Variants in MMP9 observed in about 807,000 individuals in gnomAD.
The protein encoded by MMP9 is matrix metalloproteinase-9.
MMP9 carries 73 observed loss-of-function variants against 76.4 expected under a neutral mutation model. That is an observed-to-expected ratio of 0.96 (90% CI 0.79 to 1.16). The LOEUF (loss-of-function observed/expected upper bound fraction) is 1.16, where lower values mean the gene tolerates loss of function less well. Among genes scored for constraint, MMP9 ranks in the 50% most tolerant of loss-of-function variants. The pLI is 0.00. For missense variants in MMP9, 943 were observed against 973.0 expected, an observed-to-expected ratio of 0.97 and a Z score of 0.41; for synonymous variants, 412 against 408.4, an observed-to-expected ratio of 1.01 and a Z score of -0.11.
rs200418910 is a variant in MMP9, at chr20:46,011,714, C to T, written c.964C>T (p.Arg322Trp). 6.8e-6 allele frequency: 11 copies of T among 1,613,504 alleles called. No homozygotes were observed. Among genetic ancestry groups the T allele is most frequent in the Middle Eastern group, 1.6e-4 (1 of 6,080 alleles). Reference protein sequence around the residue: ...RWCATTANYDRDKLFGFCPTR... With the variant: ...RWCATTANYDWDKLFGFCPTR... ...GTGCGCCACCACCGCCAACTACGAC[C>T]GGGACAAGCTCTTCGGCTTCTGCCC... The change falls in exon 6 of 13, where the codon CGG (arginine) becomes TGG (tryptophan). Residue 322 changes from arginine to tryptophan, a missense_variant. Coordinates refer to ENST00000372330, the MANE Select transcript of MMP9 (RefSeq NM_004994.3).
Position 46,014,404 on chromosome 20 carries a change from G to A in MMP9, c.1935G>A (p.Arg645=), listed in dbSNP as rs781648125. 2.6e-6 allele frequency: 4 copies of A among 1,549,760 alleles called. No homozygotes were observed. In the South Asian group the frequency reaches 4.8e-5, roughly 18 times the overall value. Residue 645 remains arginine (R), a synonymous_variant, in exon 12 of 13, where the codon CGG becomes CGA. Coordinates refer to ENST00000372330, the MANE Select transcript of MMP9 (RefSeq NM_004994.3). ...FDVKAQMVDP[R]SASEVDRMFP... ...TGAAGGCGCAGATGGTGGATCCCCG[G>A]AGCGCCAGCGAGGTGGACCGGATGT...
chr20:46,011,767 C>T lies in MMP9; in HGVS notation c.997+20C>T. The T allele has an allele frequency of 1.2e-6, 2 of 1,602,086 alleles. No homozygotes were observed. The highest frequency in any genetic ancestry group is 1.7e-6 in the Non-Finnish European group (2 of 1,177,186). ...CCCGAGGTACCTCCACCCTGTCTAC[C>T]AGGTTCAGCCCCGCCCTCTCATCAT... On this transcript the variant is annotated intron_variant, in intron 6 of 12. Transcript: ENST00000372330.
chr20:46,016,014 T>C (rs1332885950), intron 12 of MMP9, among the ~76,000 whole-genome samples: 1 of 152,250 alleles, frequency 6.6e-6, no homozygotes, highest in African/African-American at 2.4e-5. Context: ...AAAATGTGTA[T>C]GGTGTACCTA....
rs1443120530 is a variant in MMP9, at chr20:46,013,949, T to C, written c.1750+153T>C. 1 of 1,394,332 alleles carries C rather than the reference T, an allele frequency of 7.2e-7. No individual in the cohort carries two copies. The highest frequency in any genetic ancestry group is 9.7e-7 in the Non-Finnish European group (1 of 1,026,040). 86.4% of individuals were successfully genotyped at this position (1,394,332 alleles called of 1,614,324 possible). A position where few individuals can be genotyped will look rare whatever the true frequency, so the allele number is the denominator to read the frequency against. Reference sequence around the variant, plus strand: ...TAGCAAACGTAGGGGCGGCTGAGTTTCTGCCCCCTCCTCTCCACGCCCTCG... The same window carrying C: ...TAGCAAACGTAGGGGCGGCTGAGTTCCTGCCCCCTCCTCTCCACGCCCTCG... On this transcript the variant is annotated intron_variant, in intron 10 of 12. Coordinates refer to ENST00000372330, the MANE Select transcript of MMP9 (RefSeq NM_004994.3). The surrounding 1 kb of genome is among the most constrained non-coding windows in gnomAD (Gnocchi z 4.5).
chr20:46,012,306 G>C lies in MMP9; in HGVS notation c.1167G>C (p.Pro389=), dbSNP rs200232624. ...GCGACAAGAAGTGGGGCTTCTGCCCGGACCAAGGTAGGCGTGGTCCCGCGG... is the reference window on the plus strand; with the variant it reads ...GCGACAAGAAGTGGGGCTTCTGCCCCGACCAAGGTAGGCGTGGTCCCGCGG... The part of the protein sequence containing the change: ...FDSDKKWGFC[P]DQGYSLFLVA... The change falls in exon 7 of 13, where the codon CCG becomes CCC. Residue 389 remains proline (P), a synonymous_variant. Coordinates refer to ENST00000372330, the MANE Select transcript of MMP9 (RefSeq NM_004994.3). 2.5e-6 allele frequency: 4 copies of C among 1,613,156 alleles called. No homozygotes were observed.
At chr20:46,014,308 C>T in intron 11 of MMP9, 34 bp downstream of exon 11, 2 of 1,536,194 alleles carry the variant, frequency 1.3e-6, no homozygotes, top group Non-Finnish European at 1.7e-6. Context: ...CAGGGGGAGC[C>T]CGGGCGCCGT....
Position 46,013,230 on chromosome 20 carries a change from A to T in MMP9, c.1331-25A>T, listed in dbSNP as rs373715764. 1 of 1,613,938 alleles carries T rather than the reference A, an allele frequency of 6.2e-7. No homozygotes were observed. The highest frequency in any genetic ancestry group is 8.5e-7 in the Non-Finnish European group (1 of 1,179,922). ...TACAGAGGTATGCAGGAATAGGAAGAGTCTCACCCCGTGTCTCTTTTTAGG... is the reference window on the plus strand; with the variant it reads ...TACAGAGGTATGCAGGAATAGGAAGTGTCTCACCCCGTGTCTCTTTTTAGG... On this transcript the variant is annotated intron_variant, in intron 8 of 12. Transcript: ENST00000372330. This position sits in a 1 kb window ranked among gnomAD's most constrained non-coding sequence, Gnocchi z 4.5.
At position 46,016,329 on chromosome 20, in the gene MMP9, C is replaced by G. The variant is rs757283289; in HGVS notation, c.2085C>G (p.Gly695=). The change falls in exon 13 of 13, where the codon GGC becomes GGG. Residue 695 remains glycine, a synonymous_variant. Transcript: ENST00000372330. Reference sequence around the variant, plus strand: ...AGTTGAACCAGGTGGACCAAGTGGGCTACGTGACCTATGACATCCTGCAGT... The same window carrying G: ...AGTTGAACCAGGTGGACCAAGTGGGGTACGTGACCTATGACATCCTGCAGT... ...RSELNQVDQV[G]YVTYDILQCP... 1 of 1,614,180 alleles carries G rather than the reference C, an allele frequency of 6.2e-7. No individual in the cohort carries two copies. Among genetic ancestry groups the G allele is most frequent in the South Asian group, 1.1e-5 (1 of 91,084 alleles).
intron 12 of MMP9, chr20:46,014,873 T>C (rs1425079697): frequency 9.2e-6 from 2 of 218,490 alleles, no homozygotes; most frequent in South Asian, 6.8e-5. Flanking sequence ...AGTTTCCCCA[T>C]CTGTAATATG....
intron 6 of MMP9, 56 bp from the exon 7 acceptor site, chr20:46,012,081 C>G: frequency 6.3e-7 from 1 of 1,599,828 alleles, no homozygotes; most frequent in Non-Finnish European, 8.5e-7. Flanking sequence ...GGGTCGGCCC[C>G]TGACTCCTTA....
At chr20:46,011,988 C>G in intron 6 of MMP9, 149 bp from the exon 7 acceptor site, 1 of 1,162,374 alleles carries the variant, frequency 8.6e-7, no homozygotes, top group Non-Finnish European at 1.2e-6. Flanking sequence ...TCTGGTGTCC[C>G]AGGCACCGCC....
chr20:46,009,747 C>T, intron 1 of MMP9, 119 bp from the exon 2 acceptor site: 1 of 893,500 alleles, frequency 1.1e-6, no homozygotes, highest in Non-Finnish European at 1.8e-6. Context: ...GATACCGTCT[C>T]TCCGAAAAAG....
intron 8 of MMP9, 122 bp downstream of exon 8, chr20:46,012,704 GTCTGTC>G: frequency 7.0e-7 from 1 of 1,420,672 alleles, no homozygotes; most frequent in Non-Finnish European, 9.6e-7. Flanking sequence ...GGACCTCAAC[GTCTGTC>G]TGGAAGCAGA....
Position 46,013,468 on chromosome 20 carries a change from C to T in MMP9, c.1544C>T (p.Ala515Val). Residue 515 changes from alanine (A) to valine (V), a missense_variant, in exon 9 of 13, where the codon GCC becomes GTC. Ala to Val is a moderately conservative substitution (Grantham distance 64). Transcript: ENST00000372330. This position sits in a 1 kb window ranked among gnomAD's most constrained non-coding sequence, Gnocchi z 4.5. Reference sequence around the variant, plus strand: ...GTGCCTTTGAGTCCGGTGGACGATGCCTGCAACGTGAACATCTTCGACGCC... The same window carrying T: ...GTGCCTTTGAGTCCGGTGGACGATGTCTGCAACGTGAACATCTTCGACGCC... Reference protein sequence around the residue: ...TTVPLSPVDDACNVNIFDAIA... With the variant: ...TTVPLSPVDDVCNVNIFDAIA... The T allele has an allele frequency of 6.2e-7, 1 of 1,614,124 alleles. No individual in the cohort carries two copies. Among genetic ancestry groups the T allele is most frequent in the Non-Finnish European group, 8.5e-7 (1 of 1,180,006 alleles).
chr20:46,013,362 C>CGCCCCACAGCTG lies in MMP9; in HGVS notation c.1448_1459dup (p.Ala483_Thr486dup). The CGCCCCACAGCTG allele has an allele frequency of 6.2e-7, 1 of 1,612,822 alleles. No individual in the cohort carries two copies. The highest frequency in any genetic ancestry group is 1.1e-5 in the South Asian group (1 of 91,032). ...ACCCCCCACTGTCCACCCCTCAGAG[C>CGCCCCACAGCTG]GCCCCACAGCTGGCCCCACAGGTCC... On this transcript the variant is annotated inframe_insertion, in exon 9 of 13. Transcript: ENST00000372330. The surrounding 1 kb of genome is among the most constrained non-coding windows in gnomAD (Gnocchi z 4.5).
At position 46,014,172 on chromosome 20, in the gene MMP9, G is replaced by C. The variant is rs1285125500; in HGVS notation, c.1799G>C (p.Arg600Pro). 6.5e-6 allele frequency: 10 copies of C among 1,538,542 alleles called. No individual in the cohort carries two copies. The highest frequency in any genetic ancestry group is 8.7e-6 in the Non-Finnish European group (10 of 1,146,292). ...GGCGCGTCGGTGCTGGGCCCGAGGC[G>C]TCTGGACAAGCTGGGCCTGGGAGCC... ...YTGASVLGPR[R>P]LDKLGLGADV... Residue 600 changes from arginine to proline, a missense_variant, in exon 11 of 13, where the codon CGT becomes CCT. Transcript: ENST00000372330.
intron 2 of MMP9, 151 bp from the exon 3 acceptor site, chr20:46,010,332 A>AAAACAAACAAAC: frequency 1.3e-6 from 1 of 772,996 alleles, no homozygotes; most frequent in South Asian, 1.8e-5. Flanking sequence ...AAAAAAAAAA[A>AAAACAAACAAAC]AAAAAAAAAC....
At position 46,013,739 on chromosome 20, in the gene MMP9, C is replaced by A; in HGVS notation, c.1693C>A (p.Arg565Ser). Reference protein sequence around the residue: ...LIADKWPALPRKLDSVFEERL... With the variant: ...LIADKWPALPSKLDSVFEERL... ...CGCCGACAAGTGGCCCGCGCTGCCCCGCAAGCTGGACTCGGTCTTTGAGGA... is the reference window on the plus strand; with the variant it reads ...CGCCGACAAGTGGCCCGCGCTGCCCAGCAAGCTGGACTCGGTCTTTGAGGA... Residue 565 changes from arginine to serine, a missense_variant, in exon 10 of 13, where the codon CGC (arginine) becomes AGC (serine). Arg to Ser is a moderately radical substitution (Grantham distance 110, BLOSUM62 -1). Transcript: ENST00000372330. The surrounding 1 kb of genome is among the most constrained non-coding windows in gnomAD (Gnocchi z 4.5). 5.6e-6 allele frequency: 9 copies of A among 1,613,818 alleles called. No homozygotes were observed. The highest frequency in any genetic ancestry group is 7.6e-6 in the Non-Finnish European group (9 of 1,180,016).
intron 6 of MMP9, 27 bp downstream of exon 6, chr20:46,011,774 A>G (rs768540060): frequency 1.3e-6 from 2 of 1,597,522 alleles, no homozygotes; most frequent in South Asian, 2.2e-5. Context: ...TACCAGGTTC[A>G]GCCCCGCCCT....
Sources: allele counts gnomAD v4.1 joint callset (sites outside exome capture counted in the v4.1 genomes callset), GRCh38; gene constraint gnomAD v4.1.1; non-coding constraint Gnocchi (gnomAD v3.1); transcripts MANE v1.5; gene names NCBI Gene and HGNC (gene_info 2026-07-23, HGNC 2026-07-21).